SLC4A7: variants seen among roughly 807,000 people sequenced by gnomAD.
The protein encoded by SLC4A7 is sodium bicarbonate cotransporter 3.
Under a neutral mutation model 137.6 loss-of-function variants are expected in SLC4A7, and 51 were observed. That is an observed-to-expected ratio of 0.37 (90% CI 0.30 to 0.47). The LOEUF is 0.47. Among genes scored for constraint, SLC4A7 ranks in the 20% least tolerant of loss-of-function variants. The probability of loss-of-function intolerance (pLI) is 1.00; values close to 1 mark genes in which losing one functional copy is unlikely to be tolerated. For synonymous variants in SLC4A7, 542 were observed against 518.6 expected, an observed-to-expected ratio of 1.05 and a Z score of -0.61; for missense variants, 1,247 against 1,525.4, an observed-to-expected ratio of 0.82 and a Z score of 3.04.
intron 3 of SLC4A7, among the ~76,000 whole-genome samples, chr3:27,447,965 A>G (rs532985311): frequency 1.3e-5 from 2 of 152,030 alleles, no homozygotes; most frequent in Non-Finnish European, 2.9e-5. Flanking sequence ...TAATCCCAGC[A>G]CTTTGGGAGG....
At chr3:27,406,322 T>C (rs1238090517) in intron 13 of SLC4A7, among the ~76,000 whole-genome samples, 1 of 152,170 alleles carries the variant, frequency 6.6e-6, no homozygotes, top group African/African-American at 2.4e-5. Context: ...AATGAATAGG[T>C]AGCAATTCTC....
chr3:27,428,439 C>T (rs1189872729), intron 7 of SLC4A7, among the ~76,000 whole-genome samples: 1 of 152,200 alleles, frequency 6.6e-6, no homozygotes, highest in African/African-American at 2.4e-5. Flanking sequence ...AGCCATACTA[C>T]TATTATAACT....
intron 13 of SLC4A7, among the ~76,000 whole-genome samples, chr3:27,406,667 G>A (rs61121700): frequency 0.03 from 4,621 of 152,224 alleles, 249 homozygotes; most frequent in African/African-American, 0.11. Flanking sequence ...CATGGCTCAC[G>A]CCTATAACAC....
At chr3:27,483,757 G>T (rs1163546263) in intron 1 of SLC4A7, among the ~76,000 whole-genome samples, 1 of 152,070 alleles carries the variant, frequency 6.6e-6, no homozygotes, top group Non-Finnish European at 1.5e-5. Context: ...GGAAGGGATG[G>T]ATGGTCGGGG....
intron 1 of SLC4A7, among the ~76,000 whole-genome samples, chr3:27,482,571 G>T (rs1053746510): frequency 1.3e-5 from 2 of 152,136 alleles, no homozygotes; most frequent in Non-Finnish European, 2.9e-5. Context: ...AGGAGTTCCA[G>T]ACCAGCCTGG....
At chr3:27,440,959 C>T (rs1450939901) in intron 3 of SLC4A7, among the ~76,000 whole-genome samples, 11 of 152,162 alleles carry the variant, frequency 7.2e-5, no homozygotes, top group African/African-American at 2.4e-4. Context: ...GCAGGAGAAT[C>T]GCTTGAACCC....
intron 7 of SLC4A7, 134 bp from the exon 8 acceptor site, chr3:27,424,286 G>A (rs772289820): frequency 2.2e-5 from 11 of 506,454 alleles, no homozygotes; most frequent in African/African-American, 9.9e-5. Flanking sequence ...ATAAGTGCCC[G>A]GTGTTAGTAA....
chr3:27,459,037 T>C (rs2058557386), intron 1 of SLC4A7, among the ~76,000 whole-genome samples: 1 of 152,172 alleles, frequency 6.6e-6, no homozygotes, highest in Admixed American at 6.6e-5. Flanking sequence ...AAATGACCTC[T>C]TGAAACATAC....
Position 27,390,095 on chromosome 3 carries a change from G to A in SLC4A7, c.3196C>T (p.Arg1066Cys), listed in dbSNP as rs772531613. 17 of 1,585,032 alleles carry A rather than the reference G, an allele frequency of 1.1e-5. No individual in the cohort carries two copies. The highest frequency in any genetic ancestry group is 1.7e-5 in the Admixed American group (1 of 58,746). The change falls in exon 22 of 26, where the codon CGT becomes TGT. Residue 1066 changes from arginine (R) to cysteine (C), a missense_variant. Arg to Cys is a radical substitution (Grantham distance 180). Coordinates refer to ENST00000454389, the MANE Select transcript of SLC4A7 (RefSeq NM_001321103.2). ...SSLKGIQLFDRIKLFGMPAKH... is the reference protein window; with the variant it reads ...SSLKGIQLFDCIKLFGMPAKH... The stretch of plus-strand genomic sequence containing the variant: ...GCAGGCATTCCAAATAATTTTATAC[G>A]GTCAAATAACTACATATAGAATAAA...
chr3:27,463,145 G>A (rs1484813308), intron 1 of SLC4A7, among the ~76,000 whole-genome samples: 1 of 152,138 alleles, frequency 6.6e-6, no homozygotes, highest in Non-Finnish European at 1.5e-5. Context: ...ACAAAAGTTA[G>A]GGCCGGGCGC....
At chr3:27,430,518 G>C (rs2056155796) in intron 7 of SLC4A7, among the ~76,000 whole-genome samples, 1 of 150,764 alleles carries the variant, frequency 6.6e-6, no homozygotes, top group Admixed American at 6.6e-5. Flanking sequence ...TAACTGGGAA[G>C]CTGAGGCAGG....
intron 1 of SLC4A7, among the ~76,000 whole-genome samples, chr3:27,467,373 ATAAT>A (rs969947501): frequency 3.3e-5 from 5 of 152,234 alleles, no homozygotes; most frequent in African/African-American, 4.8e-5. Context: ...TAAGTAAAAC[ATAAT>A]TAATCACAAA....
chr3:27,445,107 C>A (rs1352044954), intron 3 of SLC4A7, among the ~76,000 whole-genome samples: 4 of 152,192 alleles, frequency 2.6e-5, no homozygotes, highest in Admixed American at 2.6e-4. Flanking sequence ...GAAGGGAACG[C>A]AAACTATTCC....
At chr3:27,468,239 T>C (rs1216052455) in intron 1 of SLC4A7, among the ~76,000 whole-genome samples, 1 of 152,206 alleles carries the variant, frequency 6.6e-6, no homozygotes, top group Non-Finnish European at 1.5e-5. Flanking sequence ...TTATAAATTC[T>C]TATTAAGAGA....
intron 3 of SLC4A7, among the ~76,000 whole-genome samples, chr3:27,443,094 A>G (rs1388044792): frequency 1.6e-5 from 2 of 125,138 alleles, no homozygotes; most frequent in African/African-American, 3.1e-5. Context: ...TGCAGTGGTG[A>G]GATCTCAGCT....
At chr3:27,473,042 T>C (rs1485102136) in intron 1 of SLC4A7, among the ~76,000 whole-genome samples, 2 of 150,632 alleles carry the variant, frequency 1.3e-5, no homozygotes, top group African/African-American at 4.9e-5. Context: ...ATCACGCCAC[T>C]GTACTCCAGC....
chr3:27,469,646 A>G (rs1576648775), intron 1 of SLC4A7, among the ~76,000 whole-genome samples: 1 of 152,078 alleles, frequency 6.6e-6, no homozygotes, highest in East Asian at 1.9e-4. Context: ...CCAGCTACTC[A>G]GGAGGCTGAG....
chr3:27,439,072 G>C (rs996827676), intron 3 of SLC4A7, among the ~76,000 whole-genome samples: 4 of 152,168 alleles, frequency 2.6e-5, no homozygotes, highest in African/African-American at 7.2e-5. Context: ...CTGAATATGA[G>C]AGATGAGTTC....
intron 16 of SLC4A7, among the ~76,000 whole-genome samples, chr3:27,400,010 A>C (rs1167411645): frequency 6.6e-6 from 1 of 152,214 alleles, no homozygotes; most frequent in South Asian, 2.1e-4. Context: ...AGGAACTATC[A>C]CCTTTAGTGA....
Sources: gnomAD v4.1 joint callset for allele counts (sites outside exome capture counted in the v4.1 genomes callset) on GRCh38, gnomAD v4.1.1 for gene constraint, MANE v1.5 for transcripts, NCBI Gene and HGNC (gene_info 2026-07-23, HGNC 2026-07-21) for gene names.